Variants in LIMCH1 observed in about 807,000 individuals in gnomAD.
The protein encoded by LIMCH1 is LIM and calponin homology domains-containing protein 1.
A neutral mutation model predicts 176.5 loss-of-function variants in LIMCH1; 113 were observed. The observed-to-expected ratio is 0.64, with a 90% CI of 0.55 to 0.75. The LOEUF (loss-of-function observed/expected upper bound fraction) is 0.75, where lower values mean the gene tolerates loss of function less well. Ranked by LOEUF, LIMCH1 falls within the 30% of genes least tolerant of loss-of-function variation. The pLI, the probability that LIMCH1 is intolerant of heterozygous loss-of-function variation, is 0.00. For missense variants in LIMCH1, 1,674 were observed against 1,814.9 expected (o/e 0.92, Z 1.41); for synonymous variants, 619 against 645.9 (o/e 0.96, Z 0.63).
At chr4:41,528,063 T>C (rs1201036676) in intron 3 of LIMCH1, among the ~76,000 whole-genome samples, 1 of 152,196 alleles carries the variant, frequency 6.6e-6, no homozygotes, top group African/African-American at 2.4e-5. Flanking sequence ...TCTTTGTGTA[T>C]ATAGGAGAAT....
Position 41,646,544 on chromosome 4 carries a change from C to G in LIMCH1, c.2471C>G (p.Ala824Gly), listed in dbSNP as rs754453432. 1 of 1,613,998 alleles carries G rather than the reference C, an allele frequency of 6.2e-7. No individual in the cohort carries two copies. The highest frequency in any genetic ancestry group is 8.5e-7 in the Non-Finnish European group (1 of 1,180,016). Residue 824 changes from alanine (A) to glycine (G), a missense_variant, in exon 17 of 32, where the codon GCA becomes GGA. By Grantham distance (60) the Ala-to-Gly change is moderately conservative (BLOSUM62 0). This residue lies in a region of LIMCH1 where 1,015 missense variants were observed against 1,102.5 expected (regional missense o/e 0.92). Transcript: ENST00000503057. ...AYKNARSQEE[A>G]EGILQQYIER... ...AAGAACGCTCGGTCCCAGGAGGAGG[C>G]AGAGGGGATCCTTCAACAGTACATT...
intron 21 of LIMCH1, chr4:41,670,812 G>A (rs2153009232): frequency 1.3e-6 from 2 of 1,535,378 alleles, no homozygotes; most frequent in African/African-American, 2.7e-5. Flanking sequence ...ATACTGGGTA[G>A]CTGTATTTCT....
chr4:41,648,631 A>G (rs1261759920), intron 17 of LIMCH1, among the ~76,000 whole-genome samples: 1 of 149,846 alleles, frequency 6.7e-6, no homozygotes, highest in Non-Finnish European at 1.5e-5. Context: ...CCAGCTAATA[A>G]TGCCAGGACA....
intron 1 of LIMCH1, among the ~76,000 whole-genome samples, chr4:41,460,476 A>ATATATATATATCTATCTATCTATCTATC (rs965621988): frequency 1.4e-5 from 2 of 142,656 alleles, no homozygotes; most frequent in African/African-American, 5.4e-5. Flanking sequence ...ATATATATAT[A>ATATATATATATCTATCTATCTATCTATC]TATCTTATAA....
chr4:41,414,480 G>A (rs779785728), intron 1 of LIMCH1, among the ~76,000 whole-genome samples: 3 of 152,200 alleles, frequency 2.0e-5, no homozygotes, highest in African/African-American at 7.2e-5. Context: ...AGAGTCAGAT[G>A]TTTAGACACG....
At chr4:41,684,025 C>T (rs912207327) in intron 26 of LIMCH1, among the ~76,000 whole-genome samples, 13 of 152,158 alleles carry the variant, frequency 8.5e-5, no homozygotes, top group African/African-American at 2.9e-4. Flanking sequence ...ATTCTTTGCA[C>T]ACAGAAGCCA....
intron 1 of LIMCH1, among the ~76,000 whole-genome samples, chr4:41,369,805 G>A (rs1218351486): frequency 2.6e-5 from 4 of 151,966 alleles, no homozygotes; most frequent in African/African-American, 9.7e-5. Flanking sequence ...CCTCACTAGG[G>A]CCTCACAGCC....
intron 1 of LIMCH1, among the ~76,000 whole-genome samples, chr4:41,581,112 G>GTCTATCTGTCTATCTA (rs2085340669): frequency 7.5e-6 from 1 of 132,900 alleles, no homozygotes; most frequent in African/African-American, 3.3e-5. Flanking sequence ...CTGTCTGTCT[G>GTCTATCTGTCTATCTA]TCTATCTATC....
chr4:41,459,288 T>C (rs1448373547), intron 1 of LIMCH1, among the ~76,000 whole-genome samples: 1 of 151,896 alleles, frequency 6.6e-6, no homozygotes, highest in African/African-American at 2.4e-5. Flanking sequence ...CTTCCTTCCC[T>C]CCCTCCCTCT....
intron 1 of LIMCH1, among the ~76,000 whole-genome samples, chr4:41,401,999 G>C (rs1041330542): frequency 7.2e-5 from 11 of 152,218 alleles, no homozygotes; most frequent in Middle Eastern, 3.4e-3. Flanking sequence ...TTGACTTCCT[G>C]TTTTCCTAAT....
At chr4:41,631,018 G>A (rs1047758067) in intron 9 of LIMCH1, 130 bp from the exon 10 acceptor site, 8 of 784,170 alleles carry the variant, frequency 1.0e-5, no homozygotes, top group African/African-American at 8.8e-5. Flanking sequence ...GTTGAATCCC[G>A]TCAGTGGGAT....
chr4:41,529,250 AG>A (rs765714995), intron 3 of LIMCH1, among the ~76,000 whole-genome samples: 48 of 152,218 alleles, frequency 3.2e-4, no homozygotes, highest in Non-Finnish European at 6.8e-4. Context: ...TTTGTGCAAA[AG>A]CCATGAATGT....
In LIMCH1 at chr4:41,615,270, A is replaced by G. The variant is rs143513721; in HGVS notation, c.205+1609A>G. Among the ~76,000 whole-genome samples the G allele has an allele frequency of 5.1e-3, 774 of 152,280 alleles. 5 individuals are homozygous for G. Among genetic ancestry groups the G allele is most frequent in the African/African-American group, 0.018 (732 of 41,556 alleles). ...CATCCTGTGTTTTTCTTAACTGGTA[A>G]TGTAGATTATCATTATTTATCATTA... On this transcript the variant is annotated intron_variant, in intron 5 of 31. Coordinates refer to ENST00000503057, the MANE Select transcript of LIMCH1 (RefSeq NM_001330672.2).
At chr4:41,649,010 T>C (rs2094181489) in intron 17 of LIMCH1, among the ~76,000 whole-genome samples, 1 of 152,154 alleles carries the variant, frequency 6.6e-6, no homozygotes, top group Admixed American at 6.5e-5. Flanking sequence ...TTTCTTTTTA[T>C]GGGTAACAAA....
intron 21 of LIMCH1, chr4:41,670,860 G>A: frequency 3.3e-6 from 5 of 1,517,964 alleles, no homozygotes; most frequent in Non-Finnish European, 4.4e-6. Context: ...TCAATGATGT[G>A]TGGCACTTGT....
chr4:41,501,661 A>G (rs1173224515), intron 2 of LIMCH1, among the ~76,000 whole-genome samples: 1 of 152,146 alleles, frequency 6.6e-6, no homozygotes, highest in Non-Finnish European at 1.5e-5. Flanking sequence ...TTTTGTCTCT[A>G]AAGTATAAAT....
At chr4:41,534,081 C>G (rs573240109), upstream of LIMCH1, among the ~76,000 whole-genome samples, 7 of 152,228 alleles carry the variant, frequency 4.6e-5, no homozygotes, top group African/African-American at 1.7e-4. Flanking sequence ...TTCCAGATAA[C>G]TGAGGTGGCC....
At chr4:41,638,219 G>A (rs1391722134) in intron 13 of LIMCH1, among the ~76,000 whole-genome samples, 1 of 152,040 alleles carries the variant, frequency 6.6e-6, no homozygotes, top group South Asian at 2.1e-4. Context: ...TAGACTTCCG[G>A]TGACTATCGC....
intron 1 of LIMCH1, among the ~76,000 whole-genome samples, chr4:41,399,806 C>T (rs1278592568): frequency 2.1e-5 from 3 of 144,162 alleles, no homozygotes; most frequent in Admixed American, 7.0e-5. Context: ...TTCAGCCTCC[C>T]GAGTAGCTGG....
Sources: allele counts gnomAD v4.1 joint callset (sites outside exome capture counted in the v4.1 genomes callset), GRCh38; gene constraint gnomAD v4.1.1; regional missense constraint gnomAD v4.1.1; transcripts MANE v1.5; gene names NCBI Gene and HGNC (gene_info 2026-07-23, HGNC 2026-07-21).